Variants in PRKCE observed in about 807,000 individuals in gnomAD.
PRKCE encodes protein kinase C epsilon.
Under a neutral mutation model 85.4 loss-of-function variants are expected in PRKCE, and 16 were observed. The observed-to-expected ratio is 0.19, with a 90% CI of 0.13 to 0.28. The LOEUF is 0.28. PRKCE is among the 10% of genes least tolerant of loss of function. The pLI, the probability that PRKCE is intolerant of heterozygous loss-of-function variation, is 1.00. For synonymous variants in PRKCE, 388 were observed against 371.5 expected (o/e 1.04, Z -0.51); for missense variants, 573 against 975.2 (o/e 0.59, Z 5.49).
chr2:46,122,221 GTTTGTT>G (rs1172923576), intron 11 of PRKCE, among the ~76,000 whole-genome samples: 3 of 151,886 alleles, frequency 2.0e-5, no homozygotes, highest in Non-Finnish European at 4.4e-5. Context: ...TTTTTTGTTT[GTTTGTT>G]TTTGTTTTTG....
rs1010805317 is a variant in PRKCE at position 46,185,015 on chromosome 2, T to C, written c.*134T>C. The C allele has an allele frequency of 2.4e-6, 3 of 1,244,602 alleles. No homozygotes were observed. Among genetic ancestry groups the C allele is most frequent in the African/African-American group, 3.0e-5 (2 of 66,564 alleles). The allele number at this position is 1,244,602 out of a possible 1,614,324, so 77.1% of individuals were successfully genotyped here. On this transcript the variant is annotated 3_prime_UTR_variant, in exon 15 of 15. Coordinates refer to ENST00000306156, the MANE Select transcript of PRKCE (RefSeq NM_005400.3). This position sits in a 1 kb window ranked among gnomAD's most constrained non-coding sequence, Gnocchi z 4.7. ...CAGTCCCATGTCCACTGTCTATTTATTGCATTCCCTTGCCCCAGGCCACCT... is the reference window on the plus strand; with the variant it reads ...CAGTCCCATGTCCACTGTCTATTTACTGCATTCCCTTGCCCCAGGCCACCT...
intron 1 of PRKCE, among the ~76,000 whole-genome samples, chr2:45,717,550 A>T (rs2104429256): frequency 6.6e-6 from 1 of 152,376 alleles, no homozygotes; most frequent in South Asian, 2.1e-4. Flanking sequence ...TCCCTGGAGC[A>T]AAATACGTTC....
At chr2:45,743,090 T>G (rs1371093972) in intron 1 of PRKCE, among the ~76,000 whole-genome samples, 7 of 152,076 alleles carry the variant, frequency 4.6e-5, no homozygotes, top group Non-Finnish European at 8.8e-5. Context: ...AATAGAATGG[T>G]GGTTGCCAGG....
At chr2:45,788,545 T>C (rs993397460) in intron 1 of PRKCE, among the ~76,000 whole-genome samples, 1 of 152,240 alleles carries the variant, frequency 6.6e-6, no homozygotes, top group African/African-American at 2.4e-5. Flanking sequence ...ACACAGCCTC[T>C]CTCATCCTTT....
rs184309850 is a variant in PRKCE, at chr2:46,008,090, G to A, written c.1263+429G>A. ...GAATCTCTGCCCTCAGCAAACCTAG[G>A]GTTTAAAGCAAATTTAGCATGCATT... is the stretch of plus-strand genomic sequence containing the variant. On this transcript the variant is annotated intron_variant, in intron 9 of 14. Coordinates refer to ENST00000306156, the MANE Select transcript of PRKCE (RefSeq NM_005400.3). 8.5e-5 allele frequency among the ~76,000 whole-genome samples: 13 copies of A among 152,192 alleles called. No homozygotes were observed. In the East Asian group the frequency reaches 2.5e-3, roughly 29 times the overall value.
intron 1 of PRKCE, among the ~76,000 whole-genome samples, chr2:45,741,225 A>G (rs1219690238): frequency 6.6e-6 from 1 of 152,148 alleles, no homozygotes; most frequent in Non-Finnish European, 1.5e-5. Context: ...GCCAGGGTGG[A>G]CCTTTGTATG....
intron 2 of PRKCE, among the ~76,000 whole-genome samples, chr2:45,914,387 G>A (rs1697604834): frequency 6.6e-6 from 1 of 152,228 alleles, no homozygotes; most frequent in East Asian, 1.9e-4. Context: ...TCAACGATGT[G>A]TGGTCCAGAG....
intron 1 of PRKCE, among the ~76,000 whole-genome samples, chr2:45,841,338 G>A (rs1328570519): frequency 1.3e-5 from 2 of 152,230 alleles, no homozygotes; most frequent in East Asian, 3.8e-4. Flanking sequence ...CGACAGGGCA[G>A]CCTTCAGTAT....
chr2:46,025,184 A>C (rs904302125), intron 10 of PRKCE, among the ~76,000 whole-genome samples: 2 of 152,234 alleles, frequency 1.3e-5, no homozygotes. Flanking sequence ...GGCAAGATCC[A>C]TTTGGATTGC....
chr2:45,688,198 G>T (rs1471979831), intron 1 of PRKCE, among the ~76,000 whole-genome samples: 1 of 152,156 alleles, frequency 6.6e-6, no homozygotes, highest in African/African-American at 2.4e-5. Flanking sequence ...ATTGCTAAGA[G>T]AGGTCCCTGA....
chr2:45,881,323 G>A (rs1214939155), intron 2 of PRKCE, among the ~76,000 whole-genome samples: 5 of 152,144 alleles, frequency 3.3e-5, no homozygotes, highest in Non-Finnish European at 7.3e-5. Context: ...GTCTTCTACA[G>A]GCTGGAAAAC....
At chr2:45,794,553 G>A (rs374978678) in intron 1 of PRKCE, among the ~76,000 whole-genome samples, 2 of 152,144 alleles carry the variant, frequency 1.3e-5, no homozygotes, top group African/African-American at 4.8e-5. Context: ...GGTTTCAAGC[G>A]CCTGGGGAGG....
At chr2:46,057,516 C>T (rs1395047937) in intron 10 of PRKCE, among the ~76,000 whole-genome samples, 1 of 151,646 alleles carries the variant, frequency 6.6e-6, no homozygotes, top group Non-Finnish European at 1.5e-5. Flanking sequence ...TTCACTGCAA[C>T]CTCCACCTCC....
chr2:45,997,441 C>G (rs1308697415), intron 6 of PRKCE, among the ~76,000 whole-genome samples: 1 of 152,018 alleles, frequency 6.6e-6, no homozygotes, highest in African/African-American at 2.4e-5. Flanking sequence ...AATGTTTTTC[C>G]TAATATATGC....
chr2:46,125,122 A>C (rs1424190856), intron 11 of PRKCE, among the ~76,000 whole-genome samples: 4 of 152,208 alleles, frequency 2.6e-5, no homozygotes, highest in African/African-American at 9.7e-5. Flanking sequence ...GCTTTAGAAA[A>C]TTGGAATCTA....
At chr2:45,748,533 T>G (rs1683312291) in intron 1 of PRKCE, among the ~76,000 whole-genome samples, 1 of 152,244 alleles carries the variant, frequency 6.6e-6, no homozygotes, top group African/African-American at 2.4e-5. Context: ...GTGATCCTTC[T>G]GCACGTTTAG....
intron 2 of PRKCE, among the ~76,000 whole-genome samples, chr2:45,945,253 T>C (rs1201101100): frequency 6.6e-6 from 1 of 152,180 alleles, no homozygotes; most frequent in Admixed American, 6.5e-5. Context: ...CTGCAGGCTG[T>C]ACAAGCATGG....
At chr2:45,665,576 C>A (rs1353827421) in intron 1 of PRKCE, among the ~76,000 whole-genome samples, 2 of 152,152 alleles carry the variant, frequency 1.3e-5, no homozygotes, top group African/African-American at 4.8e-5. Context: ...TACCCATGCT[C>A]CTTTGTCTTC....
chr2:45,713,308 T>G (rs1679822142), intron 1 of PRKCE, among the ~76,000 whole-genome samples: 2 of 152,212 alleles, frequency 1.3e-5, no homozygotes, highest in Admixed American at 6.5e-5. Flanking sequence ...GGAGAGCATA[T>G]GCCTGAGGGT....
Sources: allele counts gnomAD v4.1 joint callset (sites outside exome capture counted in the v4.1 genomes callset), GRCh38; gene constraint gnomAD v4.1.1; non-coding constraint Gnocchi (gnomAD v3.1); transcripts MANE v1.5; gene names NCBI Gene and HGNC (gene_info 2026-07-23, HGNC 2026-07-21).